The following EML1 variants were observed in gnomAD, a reference collection of about 807,000 sequenced individuals.
EML1 encodes EMAP like 1.
A neutral mutation model predicts 110.4 loss-of-function variants in EML1; 27 were observed. The observed-to-expected ratio is 0.24, with a 90% CI of 0.18 to 0.34. The LOEUF (loss-of-function observed/expected upper bound fraction) is 0.34, where lower values mean the gene tolerates loss of function less well. Among genes scored for constraint, EML1 ranks in the 10% least tolerant of loss-of-function variants. The pLI is 1.00. For missense variants in EML1, 741 were observed against 1,030.9 expected, an observed-to-expected ratio of 0.72 and a Z score of 3.85; for synonymous variants, 344 against 385.8, an observed-to-expected ratio of 0.89 and a Z score of 1.27.
At chr14:99,868,526 A>G (rs1372893144) in intron 3 of EML1, among the ~76,000 whole-genome samples, 1 of 151,876 alleles carries the variant, frequency 6.6e-6, no homozygotes, top group African/African-American at 2.4e-5. Context: ...TTGCTTCTTT[A>G]TGATTCAGTC....
At position 99,784,064 on chromosome 14, in the gene EML1, A is replaced by G. The variant is rs2057573292; in HGVS notation, c.-27+10051A>G. 6.6e-6 allele frequency among the ~76,000 whole-genome samples: 1 copy of G among 152,046 alleles called. No homozygotes were observed. Among genetic ancestry groups the G allele is most frequent in the African/African-American group, 2.4e-5 (1 of 41,402 alleles). ...TGAATTAGAGACAATCACAACATCA[A>G]GTTTCCTAAATGTAAGGACTTTTTC... On this transcript the variant is annotated intron_variant, in intron 1 of 22. Coordinates refer to the EML1 transcript ENST00000327921. This position sits in a 1 kb window ranked among gnomAD's most constrained non-coding sequence, Gnocchi z 4.5.
intron 9 of EML1, among the ~76,000 whole-genome samples, chr14:99,903,734 G>A (rs1482636281): frequency 2.7e-5 from 4 of 150,706 alleles, no homozygotes; most frequent in African/African-American, 9.7e-5. Flanking sequence ...TTACATTAGT[G>A]TACTATTGAT....
intron 1 of EML1, among the ~76,000 whole-genome samples, chr14:99,825,934 C>T (rs1449111448): frequency 6.6e-6 from 1 of 152,020 alleles, no homozygotes; most frequent in Non-Finnish European, 1.5e-5. Context: ...AAAGTCTTGC[C>T]TCTGAACTTT....
exon 1 of EML1, chr14:99,737,850 C>T (rs1165567383): frequency 6.2e-6 from 8 of 1,289,134 alleles, no homozygotes; most frequent in Non-Finnish European, 8.1e-6. Context: ...ACGGCGAGGG[C>T]CCCTCCGCCG....
chr14:99,919,425 GACACACACAC>G (rs376238109), intron 16 of EML1, among the ~76,000 whole-genome samples: 13 of 97,558 alleles, frequency 1.3e-4, no homozygotes, highest in African/African-American at 3.7e-4. Context: ...CATGCACACA[GACACACACAC>G]ACACACACAC....
In EML1 at chr14:99,940,046, T is replaced by G; in HGVS notation, c.2382T>G (p.Cys794Trp). The G allele has an allele frequency of 6.2e-7, 1 of 1,605,468 alleles. No individual in the cohort carries two copies. Among genetic ancestry groups the G allele is most frequent in the South Asian group, 1.1e-5 (1 of 89,266 alleles). Reference sequence around the variant, plus strand: ...ATGTCACCAATGTCGATTTCCTCTGTGAAGACAGCCACCTCATCTCCACGG... The same window carrying G: ...ATGTCACCAATGTCGATTTCCTCTGGGAAGACAGCCACCTCATCTCCACGG... ...SSHVTNVDFLCEDSHLISTGG... is the reference protein window; with the variant it reads ...SSHVTNVDFLWEDSHLISTGG... The change falls in exon 22 of 22, where the codon TGT (cysteine) becomes TGG (tryptophan). Residue 794 changes from cysteine to tryptophan, a missense_variant. Cys to Trp is a radical substitution (Grantham distance 215, BLOSUM62 -2). Transcript: ENST00000262233.
intron 1 of EML1, among the ~76,000 whole-genome samples, chr14:99,843,340 T>C (rs1047278522): frequency 3.9e-5 from 6 of 152,380 alleles, no homozygotes; most frequent in African/African-American, 1.4e-4. Flanking sequence ...TAATTTCTAA[T>C]TATTCAGTGC....
At chr14:99,838,922 T>TGG in intron 1 of EML1, 2 of 100,198 alleles carry the variant, frequency 2.0e-5, no homozygotes, top group East Asian at 3.0e-4. Flanking sequence ...CGCGCGCGTG[T>TGG]GTGTGTGTGC....
intron 1 of EML1, among the ~76,000 whole-genome samples, chr14:99,803,682 G>C (rs191114399): frequency 1.3e-5 from 2 of 152,346 alleles, no homozygotes; most frequent in East Asian, 3.9e-4. Context: ...TTCAGCCAAA[G>C]TAATTGACAC....
chr14:99,790,350 A>G (rs1159756531), upstream of EML1, among the ~76,000 whole-genome samples: 2 of 152,104 alleles, frequency 1.3e-5, no homozygotes, highest in African/African-American at 4.8e-5. Context: ...TCTGTTGCCC[A>G]GGCTGGAGTT....
At chr14:99,814,840 C>G (rs566243442) in intron 1 of EML1, among the ~76,000 whole-genome samples, 32 of 152,310 alleles carry the variant, frequency 2.1e-4, no homozygotes, top group African/African-American at 6.7e-4. Context: ...GTTATTCTTA[C>G]AGCGACCTCG....
At chr14:99,756,885 C>G (rs897169980) in intron 1 of EML1, among the ~76,000 whole-genome samples, 1 of 152,204 alleles carries the variant, frequency 6.6e-6, no homozygotes, top group Non-Finnish European at 1.5e-5. Context: ...GCGGCCCGCA[C>G]TCTCACAGGG....
At chr14:99,885,918 C>T (rs1219054896) in intron 4 of EML1, 1 of 455,344 alleles carries the variant, frequency 2.2e-6, no homozygotes, top group East Asian at 7.0e-5. Context: ...CACCCAAGCC[C>T]TAGAACACGG....
At chr14:99,849,302 G>T (rs376533191) in intron 1 of EML1, among the ~76,000 whole-genome samples, 3 of 152,006 alleles carry the variant, frequency 2.0e-5, no homozygotes, top group Non-Finnish European at 4.4e-5. Flanking sequence ...GCTCTCTTCT[G>T]GTCTCCTTAG....
chr14:99,823,437 G>A (rs1252476677), intron 1 of EML1, among the ~76,000 whole-genome samples: 2 of 151,978 alleles, frequency 1.3e-5, no homozygotes, highest in East Asian at 3.9e-4. Flanking sequence ...ATTACACTTC[G>A]GGTCTGGACG....
At chr14:99,809,066 T>C (rs541811135) in intron 1 of EML1, among the ~76,000 whole-genome samples, 1 of 152,320 alleles carries the variant, frequency 6.6e-6, no homozygotes, top group African/African-American at 2.4e-5. Flanking sequence ...TGGCTTTCTA[T>C]TTGTTGTCTT....
chr14:99,869,742 C>T (rs917773677), intron 3 of EML1, among the ~76,000 whole-genome samples: 2 of 152,144 alleles, frequency 1.3e-5, no homozygotes, highest in African/African-American at 2.4e-5. Flanking sequence ...CCCTCATGAA[C>T]GTATTGGTGC....
Position 99,936,162 on chromosome 14 carries a change from A to C in EML1, c.2007+36A>C, listed in dbSNP as rs368836398. The C allele has an allele frequency of 1.2e-6, 2 of 1,613,052 alleles. No individual in the cohort carries two copies. Among genetic ancestry groups the C allele is most frequent in the African/African-American group, 2.7e-5 (2 of 74,900 alleles). ...ACAGTGGACCTGTCGCTTCTCATGC[A>C]CTGCGTATAGTTTAACTACCGTGGA... On this transcript the variant is annotated intron_variant, in intron 18 of 21. Transcript: ENST00000262233. This position sits in a 1 kb window ranked among gnomAD's most constrained non-coding sequence, Gnocchi z 5.5.
At chr14:99,750,487 A>G (rs1052151096) in intron 1 of EML1, among the ~76,000 whole-genome samples, 3 of 152,218 alleles carry the variant, frequency 2.0e-5, no homozygotes, top group Non-Finnish European at 4.4e-5. Context: ...CAAGCTCGCC[A>G]CCAAGTGCTG....
Sources: gnomAD v4.1 joint callset for allele counts (sites outside exome capture counted in the v4.1 genomes callset) on GRCh38, gnomAD v4.1.1 for gene constraint, Gnocchi (gnomAD v3.1) non-coding constraint, MANE v1.5 for transcripts, NCBI Gene and HGNC (gene_info 2026-07-23, HGNC 2026-07-21) for gene names.